Variants in GPR39 observed in about 807,000 individuals in gnomAD.
GPR39 encodes the protein G protein-coupled receptor 39, also known as zinc sensing receptor.
A neutral mutation model predicts 18.4 loss-of-function variants in GPR39; 23 were observed. The observed-to-expected ratio is 1.25, with a 90% CI of 0.90 to 1.77. The LOEUF is 1.77. Ranked by LOEUF, GPR39 falls within the 40% of genes most tolerant of loss-of-function variation. The probability of loss-of-function intolerance (pLI) is 0.00; values close to 1 mark genes in which losing one functional copy is unlikely to be tolerated. For synonymous variants in GPR39, 280 were observed against 257.9 expected (o/e 1.09, Z -0.82); for missense variants, 647 against 602.4 (o/e 1.07, Z -0.78).
chr2:132,616,178 GTTA>G (rs999099701), intron 1 of GPR39, among the ~76,000 whole-genome samples: 12 of 152,172 alleles, frequency 7.9e-5, no homozygotes, highest in African/African-American at 2.9e-4. Flanking sequence ...ACCACACTTG[GTTA>G]TTATTTATTG....
At chr2:132,536,663 T>C (rs1679762339) in intron 1 of GPR39, among the ~76,000 whole-genome samples, 1 of 152,220 alleles carries the variant, frequency 6.6e-6, no homozygotes, top group Non-Finnish European at 1.5e-5. Context: ...ATACTGACAG[T>C]GGGTGTTAAA....
At chr2:132,644,794 G>A (rs563244879) in intron 1 of GPR39, 76 of 316,864 alleles carry the variant, frequency 2.4e-4, no homozygotes, top group African/African-American at 1.1e-3. Flanking sequence ...TTCTGGATAC[G>A]CAAACAAACA....
intron 1 of GPR39, among the ~76,000 whole-genome samples, chr2:132,644,230 A>G (rs1468382791): frequency 6.6e-6 from 1 of 152,218 alleles, no homozygotes; most frequent in East Asian, 1.9e-4. Flanking sequence ...GAATACAAAT[A>G]TGTGGGCATG....
chr2:132,462,524 A>T (rs1035310944), intron 1 of GPR39, among the ~76,000 whole-genome samples: 6 of 152,232 alleles, frequency 3.9e-5, no homozygotes, highest in African/African-American at 1.4e-4. Context: ...ATGTCAAGGC[A>T]GCACCTAATA....
At chr2:132,531,083 A>C (rs1235331808) in intron 1 of GPR39, among the ~76,000 whole-genome samples, 1 of 152,236 alleles carries the variant, frequency 6.6e-6, no homozygotes, top group East Asian at 1.9e-4. Flanking sequence ...GTCAAGACCC[A>C]TCAGTGTGCT....
At chr2:132,456,849 C>A (rs1295997230) in intron 1 of GPR39, among the ~76,000 whole-genome samples, 1 of 152,248 alleles carries the variant, frequency 6.6e-6, no homozygotes, top group Admixed American at 6.5e-5. Flanking sequence ...GAGAGATCCG[C>A]TGTTAGTCTG....
chr2:132,434,525 G>A (rs959963895), intron 1 of GPR39, among the ~76,000 whole-genome samples: 1 of 152,154 alleles, frequency 6.6e-6, no homozygotes, highest in African/African-American at 2.4e-5. Flanking sequence ...TGAAGGTGTT[G>A]AAGTGGTCTA....
At chr2:132,543,366 G>C (rs1679893054) in intron 1 of GPR39, among the ~76,000 whole-genome samples, 1 of 152,098 alleles carries the variant, frequency 6.6e-6, no homozygotes, top group South Asian at 2.1e-4. Flanking sequence ...TTTCCACTGT[G>C]GGCATGTTTA....
intron 1 of GPR39, among the ~76,000 whole-genome samples, chr2:132,580,552 G>A (rs968643555): frequency 1.3e-5 from 2 of 152,300 alleles, no homozygotes; most frequent in Non-Finnish European, 2.9e-5. Context: ...GGTACAATAA[G>A]TGTGTACCTT....
intron 1 of GPR39, among the ~76,000 whole-genome samples, chr2:132,601,844 A>T (rs996804635): frequency 1.3e-5 from 2 of 152,268 alleles, no homozygotes; most frequent in Non-Finnish European, 2.9e-5. Flanking sequence ...TTAGAAATGC[A>T]TTTAACCAAA....
At chr2:132,593,074 A>C (rs1400222907) in intron 1 of GPR39, among the ~76,000 whole-genome samples, 1 of 152,220 alleles carries the variant, frequency 6.6e-6, no homozygotes, top group East Asian at 1.9e-4. Flanking sequence ...AAAGGATACA[A>C]ATTAGAAGAA....
At chr2:132,603,393 G>T (rs1681079255) in intron 1 of GPR39, among the ~76,000 whole-genome samples, 3 of 152,116 alleles carry the variant, frequency 2.0e-5, no homozygotes, top group Admixed American at 2.0e-4. Context: ...AGAGGATCTG[G>T]AGAAGTTGGC....
chr2:132,625,751 G>C (rs1291767238), intron 1 of GPR39, among the ~76,000 whole-genome samples: 1 of 152,106 alleles, frequency 6.6e-6, no homozygotes, highest in Non-Finnish European at 1.5e-5. Flanking sequence ...GTGATCATCT[G>C]CCTTAGCTTC....
intron 1 of GPR39, among the ~76,000 whole-genome samples, chr2:132,619,580 C>T (rs1469885169): frequency 6.6e-6 from 1 of 152,106 alleles, no homozygotes; most frequent in Non-Finnish European, 1.5e-5. Context: ...ACGGCTTCTC[C>T]CCAGAGTGGG....
intron 1 of GPR39, chr2:132,418,635 C>T (rs1679954593): frequency 6.6e-6 from 1 of 152,146 alleles, no homozygotes; most frequent in Non-Finnish European, 1.5e-5. Flanking sequence ...TGCTTGTTTT[C>T]CAAACTTTTG....
At chr2:132,595,338 C>T (rs1275011495) in intron 1 of GPR39, among the ~76,000 whole-genome samples, 4 of 151,194 alleles carry the variant, frequency 2.6e-5, no homozygotes, top group South Asian at 2.1e-4. Flanking sequence ...GCCAGGTGGG[C>T]GGTAATACTT....
chr2:132,529,562 G>A (rs941194440), intron 1 of GPR39, among the ~76,000 whole-genome samples: 4 of 152,230 alleles, frequency 2.6e-5, no homozygotes. Context: ...CTCCTCAAGT[G>A]GGTCCCTGAC....
At chr2:132,449,543 G>C (rs2104769911) in intron 1 of GPR39, among the ~76,000 whole-genome samples, 1 of 152,232 alleles carries the variant, frequency 6.6e-6, no homozygotes, top group Admixed American at 6.5e-5. Context: ...CACCGTGCCT[G>C]GCCTAGTGCT....
intron 1 of GPR39, among the ~76,000 whole-genome samples, chr2:132,428,792 G>C (rs559831335): frequency 4.7e-4 from 72 of 152,290 alleles, no homozygotes; most frequent in African/African-American, 1.7e-3. Flanking sequence ...TCAATCACTT[G>C]TTGTGTAGTT....
Sources: gnomAD v4.1 joint callset for allele counts (sites outside exome capture counted in the v4.1 genomes callset) on GRCh38, gnomAD v4.1.1 for gene constraint, MANE v1.5 for transcripts, NCBI Gene and HGNC (gene_info 2026-07-23, HGNC 2026-07-21) for gene names.